Variants in PHEX observed in about 807,000 individuals in gnomAD.
PHEX encodes phosphate-regulating neutral endopeptidase PHEX.
Under a neutral mutation model 68.0 loss-of-function variants are expected in PHEX, and 16 were observed. The observed-to-expected ratio is 0.24, with a 90% CI of 0.16 to 0.36. The LOEUF is 0.36. PHEX is among the 10% of genes least tolerant of loss of function. The pLI, the probability that PHEX is intolerant of heterozygous loss-of-function variation, is 1.00. For synonymous variants in PHEX, 208 were observed against 205.1 expected (o/e 1.01, Z -0.12); for missense variants, 480 against 575.5 (o/e 0.83, Z 1.70).
intron 3 of PHEX, among the ~76,000 whole-genome samples, chrX:22,059,881 G>C (rs896455452): frequency 8.9e-6 from 1 of 112,003 alleles, no homozygotes. Flanking sequence ...GTTTGTACCA[G>C]TACCAACCCT....
chrX:22,087,696 G>A (rs1469259354), intron 5 of PHEX, among the ~76,000 whole-genome samples: 1 of 111,483 alleles, frequency 9.0e-6, no homozygotes, highest in African/African-American at 3.3e-5. Flanking sequence ...GGGCATGTAG[G>A]ATTCAGTTTT....
At chrX:22,183,807 A>G (rs1933949849) in intron 14 of PHEX, among the ~76,000 whole-genome samples, 1 of 111,621 alleles carries the variant, frequency 9.0e-6, no homozygotes, top group African/African-American at 3.3e-5. Flanking sequence ...CATATTGGCA[A>G]TACAGTCAGT....
chrX:22,124,533 T>C (rs758101354), intron 11 of PHEX, among the ~76,000 whole-genome samples: 1 of 111,964 alleles, frequency 8.9e-6, no homozygotes, highest in South Asian at 3.7e-4. Context: ...TTCCAACAGA[T>C]CTGAATGTTG....
At chrX:22,167,655 C>CT (rs1425209679) in intron 12 of PHEX, among the ~76,000 whole-genome samples, 1 of 108,041 alleles carries the variant, frequency 9.3e-6, no homozygotes, top group Non-Finnish European at 1.9e-5. Flanking sequence ...CCATGCCCGG[C>CT]TTTTTTTAAA....
At chrX:22,175,280 C>T (rs757557680) in intron 13 of PHEX, among the ~76,000 whole-genome samples, 70 of 111,159 alleles carry the variant, frequency 6.3e-4, no homozygotes, top group African/African-American at 2.2e-3. Flanking sequence ...CAATTATTTT[C>T]AGGGTTCTGG....
intron 12 of PHEX, among the ~76,000 whole-genome samples, chrX:22,135,167 G>C (rs1932177606): frequency 9.0e-6 from 1 of 111,717 alleles, no homozygotes; most frequent in Non-Finnish European, 1.9e-5. Flanking sequence ...ACAAAGAGTA[G>C]GTTTGATTTT....
intron 12 of PHEX, among the ~76,000 whole-genome samples, chrX:22,139,566 C>T (rs961167884): frequency 1.0e-4 from 11 of 110,387 alleles, no homozygotes; most frequent in African/African-American, 3.6e-4. Flanking sequence ...GCCTGAAACT[C>T]CTGGGCTCAA....
At chrX:22,179,925 A>G (rs985795310) in intron 14 of PHEX, among the ~76,000 whole-genome samples, 39 of 109,672 alleles carry the variant, frequency 3.6e-4, no homozygotes, top group Admixed American at 2.0e-4. Context: ...TCCTTTGCTT[A>G]ACATTTTTTG....
chrX:22,084,910 G>A (rs925501953), intron 5 of PHEX, among the ~76,000 whole-genome samples: 3 of 109,696 alleles, frequency 2.7e-5, no homozygotes, highest in Non-Finnish European at 5.7e-5. Context: ...TCTAGCTAAA[G>A]ATTTGTTGAT....
chrX:22,045,802 T>G (rs940539919), intron 2 of PHEX, among the ~76,000 whole-genome samples: 1 of 112,365 alleles, frequency 8.9e-6, no homozygotes, highest in Non-Finnish European at 1.9e-5. Flanking sequence ...ATTCCCTGCC[T>G]GATGGCCCCA....
intron 12 of PHEX, among the ~76,000 whole-genome samples, chrX:22,150,928 A>C (rs1932845113): frequency 8.9e-6 from 1 of 112,167 alleles, no homozygotes; most frequent in South Asian, 3.7e-4. Context: ...ATGGATCGAA[A>C]CAGAGCTAGG....
chrX:22,247,916 C>A lies in PHEX; in HGVS notation c.2213C>A (p.Thr738Lys). The change falls in exon 22 of 22, where the codon ACG (threonine) becomes AAG (lysine). Residue 738 changes from threonine to lysine, a missense_variant. Physicochemically the swap from Thr to Lys is moderately conservative, Grantham distance 78. Transcript: ENST00000379374. Reference protein sequence around the residue: ...QKAFNCPPNSTMNRGMDSCRL... With the variant: ...QKAFNCPPNSKMNRGMDSCRL... ...GCTTTTAACTGTCCACCCAATTCCACGATGAACAGAGGCATGGACTCCTGC... is the reference window on the plus strand; with the variant it reads ...GCTTTTAACTGTCCACCCAATTCCAAGATGAACAGAGGCATGGACTCCTGC... 1 of 1,208,785 alleles carries A rather than the reference C, an allele frequency of 8.3e-7. No homozygotes were observed. The highest frequency in any genetic ancestry group is 1.1e-6 in the Non-Finnish European group (1 of 892,801).
At chrX:22,067,654 C>T (rs1057279002) in intron 3 of PHEX, among the ~76,000 whole-genome samples, 2 of 110,772 alleles carry the variant, frequency 1.8e-5, no homozygotes, top group Non-Finnish European at 3.8e-5. Flanking sequence ...CAAGAAAGAC[C>T]GGTGAGTGCT....
intron 6 of PHEX, among the ~76,000 whole-genome samples, chrX:22,091,699 C>T (rs1929890763): frequency 8.9e-6 from 1 of 111,874 alleles, no homozygotes; most frequent in Admixed American, 9.5e-5. Flanking sequence ...GTTCTTCCCC[C>T]AACAAAAGCA....
chrX:22,244,463 G>A (rs1317238693), intron 20 of PHEX, among the ~76,000 whole-genome samples: 2 of 110,501 alleles, frequency 1.8e-5, no homozygotes, highest in Admixed American at 9.6e-5. Flanking sequence ...TTAGCTGGGC[G>A]TGGCGGTGTG....
chrX:22,179,015 C>T (rs1353265148), intron 14 of PHEX, among the ~76,000 whole-genome samples: 1 of 111,959 alleles, frequency 8.9e-6, no homozygotes, highest in Non-Finnish European at 1.9e-5. Flanking sequence ...TTACATTGTA[C>T]CAGAAAGTGC....
intron 12 of PHEX, chrX:22,163,514 G>A (rs1265847307): frequency 1.8e-5 from 2 of 112,090 alleles, no homozygotes; most frequent in Admixed American, 9.5e-5. Context: ...AGGAACGGAT[G>A]TCCAGCTGTC....
At chrX:22,216,155 C>G (rs961885514) in intron 16 of PHEX, among the ~76,000 whole-genome samples, 13 of 111,813 alleles carry the variant, frequency 1.2e-4, no homozygotes, top group African/African-American at 4.2e-4. Context: ...GGGCCCATTC[C>G]TCTAGTAGGA....
At chrX:22,134,717 C>T (rs1177016441) in intron 12 of PHEX, among the ~76,000 whole-genome samples, 1 of 112,532 alleles carries the variant, frequency 8.9e-6, no homozygotes, top group Non-Finnish European at 1.9e-5. Context: ...CTGAGCATTT[C>T]TTGTATCTAG....
Sources: allele counts gnomAD v4.1 joint callset (sites outside exome capture counted in the v4.1 genomes callset), GRCh38; gene constraint gnomAD v4.1.1; transcripts MANE v1.5; gene names NCBI Gene and HGNC (gene_info 2026-07-23, HGNC 2026-07-21).